Variants in CRAMP1 observed in about 807,000 individuals in gnomAD.
CRAMP1 encodes the protein protein cramped-like.
In CRAMP1, 50 loss-of-function variants were observed where a neutral mutation model predicts 115.4. The ratio of observed to expected loss-of-function variants is 0.43; its 90% CI spans 0.35 to 0.55. The LOEUF is 0.55. Among genes scored for constraint, CRAMP1 ranks in the 20% least tolerant of loss-of-function variants. The pLI, the probability that CRAMP1 is intolerant of heterozygous loss-of-function variation, is 0.01. For synonymous variants in CRAMP1, 866 were observed against 745.4 expected (o/e 1.16, Z -2.64); for missense variants, 1,679 against 1,721.7 (o/e 0.98, Z 0.44).
intron 6 of CRAMP1, among the ~76,000 whole-genome samples, chr16:1,642,405 C>T (rs1183572713): frequency 1.3e-5 from 2 of 152,222 alleles, no homozygotes; most frequent in Non-Finnish European, 2.9e-5. Context: ...CTGCAGCCAA[C>T]GACTGTAACT....
rs186727389 is a variant in CRAMP1 at position 1,656,416 on chromosome 16, C to G, written c.1659C>G (p.Asp553Glu). 6.3e-7 allele frequency: 1 copy of G among 1,587,710 alleles called. No homozygotes were observed. Residue 553 changes from aspartate to glutamate, a missense_variant, in exon 10 of 21, where the codon GAC becomes GAG. Asp to Glu is a conservative substitution (Grantham distance 45). This residue lies in a region of CRAMP1 where 405 missense variants were observed against 302.6 expected (regional missense o/e 1.34). Transcript: ENST00000397412. The surrounding 1 kb of genome is among the most constrained non-coding windows in gnomAD (Gnocchi z 5.6). The stretch of plus-strand genomic sequence containing the variant: ...GTGGCCAGCTCCCAGACCTGGAGGA[C>G]GAGCTCTCGCTTCTAGACCCCTTGC... ...CACGQLPDLE[D>E]ELSLLDPLPR...
chr16:1,652,915 C>G, intron 7 of CRAMP1, 118 bp from the exon 8 acceptor site: 2 of 1,244,706 alleles, frequency 1.6e-6, no homozygotes, highest in South Asian at 1.5e-5. Context: ...GCTCTCCTTG[C>G]CTCTGTTTGC....
chr16:1,651,249 A>G (rs991171862), intron 6 of CRAMP1, among the ~76,000 whole-genome samples: 3 of 150,498 alleles, frequency 2.0e-5, no homozygotes, highest in Non-Finnish European at 4.4e-5. Context: ...GGTTACACAG[A>G]GGTCACACGG....
chr16:1,641,194 C>A lies in CRAMP1; in HGVS notation c.827+7C>A, dbSNP rs377609106. On this transcript the variant is annotated splice_region_variant and intron_variant, in intron 6 of 20. Coordinates refer to ENST00000397412, the MANE Select transcript of CRAMP1 (RefSeq NM_020825.4). Reference sequence around the variant, plus strand: ...ATGAACTCATTCAGGTTGGGTAAGTCCCAGTTTCCATGTGAAACATCACTT... The same window carrying A: ...ATGAACTCATTCAGGTTGGGTAAGTACCAGTTTCCATGTGAAACATCACTT... The A allele has an allele frequency of 1.6e-5, 26 of 1,602,264 alleles. No homozygotes were observed. The African/African-American group carries it at 3.2e-4, about 20-fold the overall frequency.
chr16:1,662,079 T>C (rs2036835812), intron 11 of CRAMP1, among the ~76,000 whole-genome samples: 1 of 152,224 alleles, frequency 6.6e-6, no homozygotes, highest in South Asian at 2.1e-4. Context: ...TGTGCACGGC[T>C]GAGTTGCCCC....
At position 1,677,847 on chromosome 16, in the gene CRAMP1, A is replaced by C. The variant is rs1240094634; in HGVS notation, c.*3802A>C. The C allele has an allele frequency of 1.3e-5, 2 of 154,474 alleles. No individual in the cohort carries two copies. The highest frequency in any genetic ancestry group is 2.9e-5 in the Non-Finnish European group (2 of 69,292). The allele number at this position is 154,474 out of a possible 1,614,324, so 9.6% of individuals were successfully genotyped here. A position where few individuals can be genotyped will look rare whatever the true frequency, so the allele number is the denominator to read the frequency against. ...ATAAGAGCTGTTAAACTTCTGTTTA[A>C]ATTTCCAGTTCAACTTGTAAATGTT... On this transcript the variant is annotated 3_prime_UTR_variant, in exon 21 of 21. Transcript: ENST00000397412.
chr16:1,656,715 A>G lies in CRAMP1; in HGVS notation c.1958A>G (p.Gln653Arg). Residue 653 changes from glutamine to arginine, a missense_variant, in exon 10 of 21, where the codon CAG becomes CGG. By Grantham distance (43) the Gln-to-Arg change is conservative (BLOSUM62 1). This residue lies in a region of CRAMP1 where 405 missense variants were observed against 302.6 expected (regional missense o/e 1.34). Coordinates refer to ENST00000397412, the MANE Select transcript of CRAMP1 (RefSeq NM_020825.4). This position sits in a 1 kb window ranked among gnomAD's most constrained non-coding sequence, Gnocchi z 5.6. ...KGSPAGPPPS[Q>R]GQPAARPPKE... The stretch of plus-strand genomic sequence containing the variant: ...AGCCCCGCGGGGCCTCCGCCGTCTC[A>G]GGGACAGCCTGCCGCCAGGCCCCCG... 6.4e-7 allele frequency: 1 copy of G among 1,554,134 alleles called. No homozygotes were observed. Among genetic ancestry groups the G allele is most frequent in the Non-Finnish European group, 8.7e-7 (1 of 1,149,434 alleles).
intron 5 of CRAMP1, among the ~76,000 whole-genome samples, chr16:1,638,613 T>A (rs1189686189): frequency 6.6e-6 from 1 of 152,196 alleles, no homozygotes; most frequent in Non-Finnish European, 1.5e-5. Context: ...CAGCCCTGCT[T>A]CTTCTGCCTG....
intron 8 of CRAMP1, among the ~76,000 whole-genome samples, chr16:1,654,595 G>C (rs1253138547): frequency 6.6e-6 from 1 of 152,166 alleles, no homozygotes; most frequent in Non-Finnish European, 1.5e-5. Flanking sequence ...TCCAGCTCCA[G>C]AGCATTTTCA....
chr16:1,644,051 G>T (rs969439243), intron 6 of CRAMP1, among the ~76,000 whole-genome samples: 1 of 152,224 alleles, frequency 6.6e-6, no homozygotes, highest in African/African-American at 2.4e-5. Flanking sequence ...GTGAGCTCAG[G>T]TGTGGGCGCT....
chr16:1,655,751 G>A lies in CRAMP1; in HGVS notation c.1120-126G>A, dbSNP rs2036765661. On this transcript the variant is annotated intron_variant, in intron 9 of 20. Transcript: ENST00000397412. ...GGTAGTGGTGTGAGGAAAGCCACGG[G>A]TGGTGGCATGATTTATACCCTGGGG... 3.7e-6 allele frequency: 4 copies of A among 1,072,028 alleles called. No individual in the cohort carries two copies. The East Asian group carries it at 7.6e-5, about 20-fold the overall frequency. The allele number at this position is 1,072,028 out of a possible 1,614,324, so 66.4% of individuals were successfully genotyped here.
In CRAMP1 at chr16:1,668,064, C is replaced by G. The variant is rs2036891422; in HGVS notation, c.3205C>G (p.Pro1069Ala). 2 of 1,613,818 alleles carry G rather than the reference C, an allele frequency of 1.2e-6. No individual in the cohort carries two copies. Among genetic ancestry groups the G allele is most frequent in the African/African-American group, 1.3e-5 (1 of 74,934 alleles). ...SSESSSTRLS[P>A]PDVSALLDIS... ...AGAGAGCTCCAGCACCCGGCTGTCT[C>G]CACCAGACGTCTCTGCTCTGCTCGA... Residue 1069 changes from proline (P) to alanine (A), a missense_variant, in exon 18 of 21, where the codon CCA becomes GCA. Around this residue, in one of 8 missense-constraint regions of CRAMP1, gnomAD observed 709 missense variants for 741.9 expected, o/e 0.96. Coordinates refer to ENST00000397412, the MANE Select transcript of CRAMP1 (RefSeq NM_020825.4).
intron 6 of CRAMP1, 28 bp downstream of exon 6, chr16:1,641,215 C>T (rs755871324): frequency 1.4e-5 from 21 of 1,535,288 alleles, no homozygotes; most frequent in Non-Finnish European, 1.9e-5. Flanking sequence ...TGTGAAACAT[C>T]ACTTCTCTGG....
At chr16:1,617,324 C>G (rs896664159) in intron 2 of CRAMP1, among the ~76,000 whole-genome samples, 2 of 152,180 alleles carry the variant, frequency 1.3e-5, no homozygotes, top group African/African-American at 4.8e-5. Context: ...TCACTGTGCC[C>G]AGGACATCCT....
At chr16:1,619,759 G>T (rs1397189840) in intron 2 of CRAMP1, among the ~76,000 whole-genome samples, 1 of 152,222 alleles carries the variant, frequency 6.6e-6, no homozygotes, top group East Asian at 1.9e-4. Context: ...GGCACTGAGG[G>T]TGGGAGTCCC....
intron 8 of CRAMP1, 136 bp downstream of exon 8, chr16:1,653,292 C>A: frequency 9.2e-7 from 1 of 1,081,536 alleles, no homozygotes; most frequent in Non-Finnish European, 1.3e-6. Context: ...GAGGACGCAG[C>A]AGTGTGGAGG....
In CRAMP1 at chr16:1,676,525, T is replaced by A. The variant is rs1315152411; in HGVS notation, c.*2480T>A. The A allele has an allele frequency of 6.6e-6, 1 of 152,034 alleles. No individual in the cohort carries two copies. The highest frequency in any genetic ancestry group is 1.5e-5 in the Non-Finnish European group (1 of 67,968). 9.4% of individuals were successfully genotyped at this position (152,034 alleles called of 1,614,324 possible). On this transcript the variant is annotated 3_prime_UTR_variant, in exon 21 of 21. Coordinates refer to ENST00000397412, the MANE Select transcript of CRAMP1 (RefSeq NM_020825.4). ...ATTTTCAAAAGATCCAAACAGAGAC[T>A]TCCTGCATCTTCTGCCTTTCCAACA...
chr16:1,618,382 A>G (rs2036438868), intron 2 of CRAMP1, among the ~76,000 whole-genome samples: 1 of 152,216 alleles, frequency 6.6e-6, no homozygotes, highest in Admixed American at 6.5e-5. Flanking sequence ...TGCAGCTTCA[A>G]GATTACAGGA....
At chr16:1,665,975 C>G in intron 14 of CRAMP1, 98 bp from the exon 15 acceptor site, 1 of 776,054 alleles carries the variant, frequency 1.3e-6, no homozygotes, top group Non-Finnish European at 2.2e-6. Context: ...TCCCACACTC[C>G]CAACAGTGGC....
Sources: gnomAD v4.1 joint callset for allele counts (sites outside exome capture counted in the v4.1 genomes callset) on GRCh38, gnomAD v4.1.1 for gene constraint, gnomAD v4.1.1 regional missense constraint, Gnocchi (gnomAD v3.1) non-coding constraint, MANE v1.5 for transcripts, NCBI Gene and HGNC (gene_info 2026-07-23, HGNC 2026-07-21) for gene names.